The following TBX2 variants were observed in gnomAD, a reference collection of about 807,000 sequenced individuals.
TBX2 encodes the protein T-box transcription factor TBX2.
Under a neutral mutation model 48.4 loss-of-function variants are expected in TBX2, and 19 were observed. The ratio of observed to expected loss-of-function variants is 0.39; its 90% CI spans 0.27 to 0.58. The LOEUF (loss-of-function observed/expected upper bound fraction) is 0.58. Among genes scored for constraint, TBX2 ranks in the 20% least tolerant of loss-of-function variants. TBX2 has a pLI of 0.54. For synonymous variants in TBX2, 522 were observed against 459.7 expected, an observed-to-expected ratio of 1.14 and a Z score of -1.73; for missense variants, 994 against 1,006.5, an observed-to-expected ratio of 0.99 and a Z score of 0.17.
rs186376497 is a variant in TBX2 at position 61,401,118 on chromosome 17, C to T, written c.395+547C>T. ...GGCATCCGAGCCCTGGACGCATCCG[C>T]CGCCCCAGGCCTTAAAGCCTGAAGA... On this transcript the variant is annotated intron_variant, in intron 1 of 6. Coordinates refer to ENST00000240328, the MANE Select transcript of TBX2 (RefSeq NM_005994.4). Among the ~76,000 whole-genome samples the T allele has an allele frequency of 3.3e-5, 5 of 152,308 alleles. No homozygotes were observed. In the East Asian group the frequency reaches 9.7e-4, roughly 30 times the overall value.
chr17:61,408,794 T>G lies in TBX2; in HGVS notation c.*288T>G. ...AGGTGTCTCTGGTCTTCCAGCGAGG[T>G]GGGAGAGGCCTCATCCAGGGCCCAG... On this transcript the variant is annotated 3_prime_UTR_variant, in exon 7 of 7. Coordinates refer to ENST00000240328, the MANE Select transcript of TBX2 (RefSeq NM_005994.4). 1 of 348,552 alleles carries G rather than the reference T, an allele frequency of 2.9e-6. No individual in the cohort carries two copies. 21.6% of individuals were successfully genotyped at this position (348,552 alleles called of 1,614,324 possible).
Position 61,400,171 on chromosome 17 carries a change from G to A in TBX2, c.-6G>A. The A allele has an allele frequency of 9.3e-7, 1 of 1,075,808 alleles. No individual in the cohort carries two copies. The highest frequency in any genetic ancestry group is 4.1e-4 in the Middle Eastern group (1 of 2,436). 66.6% of individuals were successfully genotyped at this position (1,075,808 alleles called of 1,614,324 possible). A position where few individuals can be genotyped will look rare whatever the true frequency, so the allele number is the denominator to read the frequency against. ...CGGCCCCCGGGCGCCTGGGCCGGAT[G>A]TCCCGATGAGAGAGCCGGCGCTGGC... On this transcript the variant is annotated 5_prime_UTR_variant, in exon 1 of 7. It removes an upstream start codon present in the reference 5' UTR. Transcript: ENST00000240328. This position sits in a 1 kb window ranked among gnomAD's most constrained non-coding sequence, Gnocchi z 9.2.
intron 1 of TBX2, among the ~76,000 whole-genome samples, chr17:61,401,478 G>C (rs1222143192): frequency 6.6e-6 from 1 of 152,190 alleles, no homozygotes; most frequent in African/African-American, 2.4e-5. Flanking sequence ...GAGAGGGTCT[G>C]ACAGGCAGAA....
chr17:61,403,251 C>A lies in TBX2; in HGVS notation c.810+44C>A. On this transcript the variant is annotated intron_variant, in intron 3 of 6. Transcript: ENST00000240328. This position sits in a 1 kb window ranked among gnomAD's most constrained non-coding sequence, Gnocchi z 5.8. ...GGGCTAAGCCCCTGCACTGACGCCC[C>A]TCAACACGTGCAGGCCCAACCGTCC... is the stretch of plus-strand genomic sequence containing the variant. 1 of 1,601,782 alleles carries A rather than the reference C, an allele frequency of 6.2e-7. No individual in the cohort carries two copies. The highest frequency in any genetic ancestry group is 1.1e-5 in the South Asian group (1 of 90,394).
rs2060284502 is a variant in TBX2 at position 61,405,410 on chromosome 17, G to A, written c.1260G>A (p.Arg420=). 6.5e-7 allele frequency: 1 copy of A among 1,544,342 alleles called. No homozygotes were observed. The highest frequency in any genetic ancestry group is 2.4e-5 in the East Asian group (1 of 41,918). The change falls in exon 6 of 7, where the codon AGG becomes AGA. Residue 420 remains arginine, a synonymous_variant. Coordinates refer to ENST00000240328, the MANE Select transcript of TBX2 (RefSeq NM_005994.4). ...ESGGDGPFGL[R]SLEKERAEAR... is the part of the protein sequence containing the mutation. ...GCGGGGACGGCCCGTTCGGCCTGAGGAGCCTGGAGAAGGAGCGCGCCGAAG... is the reference window on the plus strand; with the variant it reads ...GCGGGGACGGCCCGTTCGGCCTGAGAAGCCTGGAGAAGGAGCGCGCCGAAG...
At position 61,402,235 on chromosome 17, in the gene TBX2, G is replaced by C. The variant is rs548968348; in HGVS notation, c.663+284G>C. ...CCCTTGTACCGTCAATAGGGAGGCA[G>C]GTGCTGCCAGGACTGGGTCTGCAGT... On this transcript the variant is annotated intron_variant, in intron 2 of 6. Coordinates refer to ENST00000240328, the MANE Select transcript of TBX2 (RefSeq NM_005994.4). Among the ~76,000 whole-genome samples, 5 of 152,356 alleles carry C rather than the reference G, an allele frequency of 3.3e-5. No homozygotes were observed. The East Asian group carries it at 7.7e-4, about 24-fold the overall frequency.
intron 5 of TBX2, 122 bp downstream of exon 5, chr17:61,404,891 T>C (rs1360174918): frequency 1.1e-5 from 15 of 1,423,000 alleles, no homozygotes; most frequent in Non-Finnish European, 1.3e-5. Flanking sequence ...TCGGCGAGTG[T>C]CTGGGATGGG....
rs1472845584 is a variant in TBX2 at position 61,399,915 on chromosome 17, TA to T, written c.-260del. On this transcript the variant is annotated 5_prime_UTR_variant, in exon 1 of 7. Coordinates refer to ENST00000240328, the MANE Select transcript of TBX2 (RefSeq NM_005994.4). This position sits in a 1 kb window ranked among gnomAD's most constrained non-coding sequence, Gnocchi z 4.7. ...GTTTTCCAGAGATCACGACAAGATCTAACCAGTCGCGCGTGGTCCCCGGCGC... is the reference window on the plus strand; with the variant it reads ...GTTTTCCAGAGATCACGACAAGATCTACCAGTCGCGCGTGGTCCCCGGCGC... 1 of 151,674 alleles carries T rather than the reference TA, an allele frequency of 6.6e-6. No homozygotes were observed. Among genetic ancestry groups the T allele is most frequent in the African/African-American group, 2.4e-5 (1 of 41,356 alleles). 9.4% of individuals were successfully genotyped at this position (151,674 alleles called of 1,614,324 possible).
intron 6 of TBX2, chr17:61,407,836 T>C (rs777579519): frequency 1.6e-4 from 89 of 572,142 alleles, no homozygotes; most frequent in Non-Finnish European, 2.5e-4. Context: ...TGGCAGGCCT[T>C]TGCATGGTAG....
Position 61,403,263 on chromosome 17 carries a change from A to G in TBX2, c.810+56A>G, listed in dbSNP as rs2060272702. The G allele has an allele frequency of 2.7e-5, 43 of 1,592,098 alleles. No homozygotes were observed. The highest frequency in any genetic ancestry group is 1.3e-4 in the South Asian group (12 of 89,394). On this transcript the variant is annotated intron_variant, in intron 3 of 6. Transcript: ENST00000240328. This position sits in a 1 kb window ranked among gnomAD's most constrained non-coding sequence, Gnocchi z 5.8. ...TGCACTGACGCCCCTCAACACGTGCAGGCCCAACCGTCCGTTCATCGCCCC... is the reference window on the plus strand; with the variant it reads ...TGCACTGACGCCCCTCAACACGTGCGGGCCCAACCGTCCGTTCATCGCCCC...
chr17:61,405,893 G>C, intron 6 of TBX2, 57 bp downstream of exon 6: 2 of 1,262,858 alleles, frequency 1.6e-6, no homozygotes, highest in Non-Finnish European at 2.0e-6. Context: ...GGGAGCTGGC[G>C]GCGAGGCCAG....
Position 61,402,951 on chromosome 17 carries a change from A to AAGTG in TBX2, c.664-110_664-109insAGTG, listed in dbSNP as rs760471170. 3.6e-4 allele frequency: 243 copies of AAGTG among 677,686 alleles called. 1 individual carries two copies. The highest frequency in any genetic ancestry group is 5.8e-4 in the South Asian group (20 of 34,294). The allele number at this position is 677,686 out of a possible 1,614,324, so 42.0% of individuals were successfully genotyped here. A position where few individuals can be genotyped will look rare whatever the true frequency, so the allele number is the denominator to read the frequency against. On this transcript the variant is annotated intron_variant, in intron 2 of 6. Coordinates refer to ENST00000240328, the MANE Select transcript of TBX2 (RefSeq NM_005994.4). ...CCGATAGAGAGAGAGAGAGAGAGAG[A>AAGTG]GAGAGAGAGAGAGAGAGAGAAAGTG...
rs2060290445 is a variant in TBX2, at chr17:61,406,738, G to GC, written c.1686+902_1686+903insC. ...AATATTTTAAAAGTTGGGTTGGTGG[G>GC]TGGGGGGGTGGGGGGTTGGGAGGCA... On this transcript the variant is annotated intron_variant, in intron 6 of 6. Transcript: ENST00000240328. This position sits in a 1 kb window ranked among gnomAD's most constrained non-coding sequence, Gnocchi z 5.7. 1.2e-5 allele frequency: 1 copy of GC among 80,706 alleles called. No individual in the cohort carries two copies. Among genetic ancestry groups the GC allele is most frequent in the African/African-American group, 3.9e-5 (1 of 25,648 alleles). 5.0% of individuals were successfully genotyped at this position (80,706 alleles called of 1,614,324 possible).
Position 61,408,276 on chromosome 17 carries a change from C to G in TBX2, c.1909C>G (p.Leu637Val). The change falls in exon 7 of 7, where the codon CTC (leucine) becomes GTC (valine). Residue 637 changes from leucine to valine, a missense_variant. Around this residue, in one of 5 missense-constraint regions of TBX2, gnomAD observed 639 missense variants for 613.2 expected, o/e 1.04. Transcript: ENST00000240328. ...CACCATCCCGCCTAGCACTAGCCTCCTCACCACCGGGCTGGCCTCTGAGGG... is the reference window on the plus strand; with the variant it reads ...CACCATCCCGCCTAGCACTAGCCTCGTCACCACCGGGCTGGCCTCTGAGGG... ...PVTIPPSTSL[L>V]TTGLASEGSK... 1 of 1,612,788 alleles carries G rather than the reference C, an allele frequency of 6.2e-7. No individual in the cohort carries two copies.
At chr17:61,401,982 A>G (rs1397741477) in intron 2 of TBX2, 31 bp downstream of exon 2, 2 of 1,556,380 alleles carry the variant, frequency 1.3e-6, no homozygotes, top group Admixed American at 1.8e-5. Flanking sequence ...GGGACGGTGC[A>G]GGAGCTTGTT....
Position 61,400,340 on chromosome 17 carries a change from C to G in TBX2, c.164C>G (p.Pro55Arg). ...GCGCTGGCCAAGCCGCTGCCCGACCCGGGCCTGGCGGGGGCGGCGGCCGCG... is the reference window on the plus strand; with the variant it reads ...GCGCTGGCCAAGCCGCTGCCCGACCGGGGCCTGGCGGGGGCGGCGGCCGCG... ...PGALAKPLPD[P>R]GLAGAAAAAA... is the part of the protein sequence containing the mutation. The change falls in exon 1 of 7, where the codon CCG becomes CGG. Residue 55 changes from proline (P) to arginine (R), a missense_variant. Around this residue, in one of 5 missense-constraint regions of TBX2, gnomAD observed 165 missense variants for 136.8 expected, o/e 1.21. Transcript: ENST00000240328. This position sits in a 1 kb window ranked among gnomAD's most constrained non-coding sequence, Gnocchi z 9.2. The G allele has an allele frequency of 3.0e-6, 3 of 1,000,396 alleles. No homozygotes were observed. The highest frequency in any genetic ancestry group is 3.6e-6 in the Non-Finnish European group (3 of 842,454). 62.0% of individuals were successfully genotyped at this position (1,000,396 alleles called of 1,614,324 possible). A position where few individuals can be genotyped will look rare whatever the true frequency, so the allele number is the denominator to read the frequency against.
chr17:61,402,102 G>T, intron 2 of TBX2, 151 bp downstream of exon 2: 3 of 1,245,132 alleles, frequency 2.4e-6, no homozygotes, highest in Non-Finnish European at 3.2e-6. Flanking sequence ...TGTGGTCTAC[G>T]TGGGCTGGGC....
intron 2 of TBX2, among the ~76,000 whole-genome samples, chr17:61,402,703 G>T (rs1200846992): frequency 1.3e-5 from 2 of 152,048 alleles, no homozygotes; most frequent in African/African-American, 2.4e-5. Flanking sequence ...TTTTGTTTGG[G>T]TTTCTTTTGT....
rs767208687 is a variant in TBX2 at position 61,405,268 on chromosome 17, G to A, written c.1118G>A (p.Gly373Glu). 3.2e-6 allele frequency: 5 copies of A among 1,569,896 alleles called. No individual in the cohort carries two copies. The South Asian group carries it at 4.6e-5, about 15-fold the overall frequency. ...GAGCGGTTGAGCGAGGAGCGTGCGG[G>A]GGCGCCGCTAGGCCGCAGCCCGGCT... Reference protein sequence around the residue: ...EPERLSEERAGAPLGRSPAPD... With the variant: ...EPERLSEERAEAPLGRSPAPD... Residue 373 changes from glycine (G) to glutamate (E), a missense_variant, in exon 6 of 7, where the codon GGG (glycine) becomes GAG (glutamate). Gly to Glu is a moderately conservative substitution (Grantham distance 98). This residue lies in a region of TBX2 where 639 missense variants were observed against 613.2 expected (regional missense o/e 1.04). Coordinates refer to ENST00000240328, the MANE Select transcript of TBX2 (RefSeq NM_005994.4).
Sources: gnomAD v4.1 joint callset for allele counts (sites outside exome capture counted in the v4.1 genomes callset) on GRCh38, gnomAD v4.1.1 for gene constraint, gnomAD v4.1.1 regional missense constraint, Gnocchi (gnomAD v3.1) non-coding constraint, MANE v1.5 for transcripts, NCBI Gene and HGNC (gene_info 2026-07-23, HGNC 2026-07-21) for gene names.